Variants in OSER1 observed in about 807,000 individuals in gnomAD.
OSER1 encodes the protein oxidative stress-responsive serine-rich protein 1.
A neutral mutation model predicts 26.3 loss-of-function variants in OSER1; 15 were observed. The ratio of observed to expected loss-of-function variants is 0.57; its 90% CI spans 0.38 to 0.88. The LOEUF (loss-of-function observed/expected upper bound fraction) is 0.88, where lower values mean the gene tolerates loss of function less well. Ranked by LOEUF, OSER1 falls within the 40% of genes least tolerant of loss-of-function variation. The pLI is 0.00. For synonymous variants in OSER1, 127 were observed against 128.2 expected (o/e 0.99, Z 0.07); for missense variants, 313 against 353.9 (o/e 0.88, Z 0.93).
chr20:44,203,819 A>G (rs554452825), intron 2 of OSER1, among the ~76,000 whole-genome samples: 6 of 152,334 alleles, frequency 3.9e-5, no homozygotes, highest in African/African-American at 7.2e-5. Flanking sequence ...TCAACAAAAC[A>G]TAATTGAAAG....
chr20:44,196,150 A>C lies in OSER1; in HGVS notation c.*902T>G, dbSNP rs973271222. ...ATTTTTTTTTTACCAAACTGGAGGG[A>C]ATTTTGAAATGGCTGACCAAATCTG... is the stretch of plus-strand genomic sequence containing the variant. On this transcript the variant is annotated 3_prime_UTR_variant, in exon 4 of 4. Coordinates refer to ENST00000255174, the MANE Select transcript of OSER1 (RefSeq NM_016470.8). Among the ~76,000 whole-genome samples, 1 of 152,040 alleles carries C rather than the reference A, an allele frequency of 6.6e-6. No homozygotes were observed. Among genetic ancestry groups the C allele is most frequent in the African/African-American group, 2.4e-5 (1 of 41,392 alleles).
chr20:44,203,728 ACACC>A (rs896338799), intron 2 of OSER1, among the ~76,000 whole-genome samples: 2 of 148,948 alleles, frequency 1.3e-5, no homozygotes. Flanking sequence ...ACACACACAC[ACACC>A]CCTCCTACTA....
chr20:44,211,647 A>G (rs2073111574), upstream of OSER1, among the ~76,000 whole-genome samples: 1 of 152,174 alleles, frequency 6.6e-6, no homozygotes, highest in African/African-American at 2.4e-5. Context: ...AAGGAGATGA[A>G]TTTTAGGATT....
chr20:44,201,942 C>T (rs960111421), intron 3 of OSER1, among the ~76,000 whole-genome samples: 1 of 151,942 alleles, frequency 6.6e-6, no homozygotes, highest in African/African-American at 2.4e-5. Context: ...CTGAAGATAC[C>T]AATAATCAAA....
intron 3 of OSER1, among the ~76,000 whole-genome samples, chr20:44,199,010 T>C (rs796929831): frequency 5.3e-5 from 8 of 152,354 alleles, no homozygotes; most frequent in African/African-American, 1.9e-4. Context: ...TCTTGGTTAT[T>C]AGATCAACTA....
At chr20:44,202,676 G>A (rs948924707) in intron 3 of OSER1, among the ~76,000 whole-genome samples, 1 of 151,940 alleles carries the variant, frequency 6.6e-6, no homozygotes. Flanking sequence ...TGAAAAAAAG[G>A]TTCCAATAAC....
intron 1 of OSER1, 128 bp from the exon 2 acceptor site, chr20:44,207,126 G>C (rs1600498025): frequency 1.9e-6 from 1 of 534,508 alleles, no homozygotes; most frequent in East Asian, 3.0e-5. Flanking sequence ...GATAACTGGA[G>C]ACTATAGGTT....
At chr20:44,198,634 A>T (rs2072948759) in intron 3 of OSER1, among the ~76,000 whole-genome samples, 1 of 151,136 alleles carries the variant, frequency 6.6e-6, no homozygotes, top group Admixed American at 6.6e-5. Flanking sequence ...TAAATAAATA[A>T]ATAAATAAAA....
At chr20:44,211,699 C>T (rs1025574586), upstream of OSER1, among the ~76,000 whole-genome samples, 9 of 152,250 alleles carry the variant, frequency 5.9e-5, no homozygotes, top group South Asian at 1.2e-3. Context: ...AGATGGTAGG[C>T]GGGAAAAGGT....
In OSER1 at chr20:44,203,080, G is replaced by A; in HGVS notation, c.78-6C>T. 2 of 1,527,180 alleles carry A rather than the reference G, an allele frequency of 1.3e-6. No individual in the cohort carries two copies. Among genetic ancestry groups the A allele is most frequent in the Non-Finnish European group, 1.8e-6 (2 of 1,101,726 alleles). 94.6% of individuals were successfully genotyped at this position (1,527,180 alleles called of 1,614,324 possible). ...CAGACAGAGATGCTACAGACCTGAA[G>A]ACAAGAACAAAGTTTACAGCTACAA... On this transcript the variant is annotated splice_polypyrimidine_tract_variant and splice_region_variant and intron_variant, in intron 2 of 3. Coordinates refer to ENST00000255174, the MANE Select transcript of OSER1 (RefSeq NM_016470.8).
intron 1 of OSER1, among the ~76,000 whole-genome samples, chr20:44,209,705 G>A (rs1438036749): frequency 6.6e-6 from 1 of 152,096 alleles, no homozygotes; most frequent in Admixed American, 6.6e-5. Context: ...CCATCAAAAG[G>A]CCAAATTCCT....
intron 3 of OSER1, among the ~76,000 whole-genome samples, chr20:44,201,002 TAAAG>T (rs1157332532): frequency 6.6e-6 from 1 of 150,400 alleles, no homozygotes; most frequent in Non-Finnish European, 1.5e-5. Flanking sequence ...AAGGAAGAAA[TAAAG>T]ACATTTTCAG....
chr20:44,206,830 TTAAAA>T (rs2073042708), intron 2 of OSER1, 46 bp downstream of exon 2: 2 of 798,870 alleles, frequency 2.5e-6, no homozygotes, highest in Admixed American at 1.9e-5. Flanking sequence ...AAGGGACTAT[TTAAAA>T]TAAGTAAACA....
At chr20:44,202,233 G>A (rs1022604504) in intron 3 of OSER1, among the ~76,000 whole-genome samples, 20 of 152,050 alleles carry the variant, frequency 1.3e-4, no homozygotes, top group South Asian at 6.2e-4. Context: ...AAAATTACCC[G>A]GGCATGGTGG....
Position 44,196,053 on chromosome 20 carries a change from G to C in OSER1, c.*999C>G, listed in dbSNP as rs568889669. ...TTGGTGGCTCTGCTCAGGATGGTCT[G>C]AACACATGCAACATTCTTTTTGGAG... On this transcript the variant is annotated 3_prime_UTR_variant, in exon 4 of 4. Coordinates refer to ENST00000255174, the MANE Select transcript of OSER1 (RefSeq NM_016470.8). 6.6e-6 allele frequency among the ~76,000 whole-genome samples: 1 copy of C among 152,154 alleles called. No homozygotes were observed. Among genetic ancestry groups the C allele is most frequent in the African/African-American group, 2.4e-5 (1 of 41,428 alleles).
chr20:44,201,316 G>C (rs573932177), intron 3 of OSER1, among the ~76,000 whole-genome samples: 60 of 152,300 alleles, frequency 3.9e-4, no homozygotes, highest in Non-Finnish European at 7.8e-4. Flanking sequence ...ATTGAGAGGG[G>C]CGTGTGAGTG....
intron 2 of OSER1, among the ~76,000 whole-genome samples, chr20:44,203,723 C>CAT (rs2073009889): frequency 6.6e-6 from 1 of 151,026 alleles, no homozygotes; most frequent in Non-Finnish European, 1.5e-5. Flanking sequence ...CACACACACA[C>CAT]ACACACACCC....
intron 2 of OSER1, among the ~76,000 whole-genome samples, chr20:44,204,525 T>C (rs953604462): frequency 6.6e-6 from 1 of 152,232 alleles, no homozygotes; most frequent in Non-Finnish European, 1.5e-5. Flanking sequence ...TATATAATTT[T>C]TTTTCATTTC....
intron 2 of OSER1, among the ~76,000 whole-genome samples, chr20:44,206,460 T>C (rs536415880): frequency 6.6e-6 from 1 of 152,200 alleles, no homozygotes; most frequent in African/African-American, 2.4e-5. Context: ...TCCATAGTGA[T>C]AGACTGAGCA....
Sources: gnomAD v4.1 joint callset for allele counts (sites outside exome capture counted in the v4.1 genomes callset) on GRCh38, gnomAD v4.1.1 for gene constraint, MANE v1.5 for transcripts, NCBI Gene and HGNC (gene_info 2026-07-23, HGNC 2026-07-21) for gene names.